SMG6: variants seen among roughly 807,000 people sequenced by gnomAD.
SMG6 encodes the protein telomerase-binding protein EST1A.
Under a neutral mutation model 142.2 loss-of-function variants are expected in SMG6, and 66 were observed. The observed-to-expected ratio is 0.46, with a 90% CI of 0.38 to 0.57. The LOEUF is 0.57. SMG6 is among the 20% of genes least tolerant of loss of function. The probability of loss-of-function intolerance (pLI) is 0.00; values close to 1 mark genes in which losing one functional copy is unlikely to be tolerated. For missense variants in SMG6, 1,793 were observed against 1,832.0 expected (o/e 0.98, Z 0.39); for synonymous variants, 779 against 702.4 (o/e 1.11, Z -1.72).
intron 8 of SMG6, among the ~76,000 whole-genome samples, chr17:2,271,532 G>A (rs2074542993): frequency 6.6e-6 from 1 of 151,776 alleles, no homozygotes; most frequent in African/African-American, 2.4e-5. Context: ...TGGCCAACAC[G>A]GTGAAACCCC....
intron 13 of SMG6, among the ~76,000 whole-genome samples, chr17:2,092,325 G>A (rs1378052044): frequency 6.6e-6 from 1 of 152,108 alleles, no homozygotes; most frequent in Admixed American, 6.5e-5. Flanking sequence ...AGGGTCATTG[G>A]GTCACAAGAT....
At position 2,136,823 on chromosome 17, in the gene SMG6, T is replaced by C. The variant is rs1481586280; in HGVS notation, c.3357+35835A>G. On this transcript the variant is annotated intron_variant, in intron 13 of 18. Coordinates refer to ENST00000263073, the MANE Select transcript of SMG6 (RefSeq NM_017575.5). ...CATAAGTTTAGTATGTTCTTTTTAT[T>C]AAATAAAACACAAGAAAAAACAGGC... Among the ~76,000 whole-genome samples, 3 of 151,764 alleles carry C rather than the reference T, an allele frequency of 2.0e-5. No individual in the cohort carries two copies. The East Asian group carries it at 5.8e-4, about 29-fold the overall frequency.
intron 15 of SMG6, among the ~76,000 whole-genome samples, chr17:2,078,141 C>T (rs1245885491): frequency 6.6e-6 from 1 of 152,060 alleles, no homozygotes; most frequent in African/African-American, 2.4e-5. Flanking sequence ...CCAGGAGGTG[C>T]CACTTACAGA....
intron 13 of SMG6, among the ~76,000 whole-genome samples, chr17:2,140,671 C>CAAAAA (rs10635640): frequency 9.3e-6 from 1 of 107,402 alleles, no homozygotes; most frequent in Non-Finnish European, 2.0e-5. Flanking sequence ...GATTCCATCT[C>CAAAAA]AAAAAAAAAA....
intron 13 of SMG6, among the ~76,000 whole-genome samples, chr17:2,103,999 A>T (rs2069084036): frequency 6.6e-6 from 1 of 150,614 alleles, no homozygotes; most frequent in Non-Finnish European, 1.5e-5. Context: ...TAGCCCAGGC[A>T]GGAGTGTAAT....
intron 12 of SMG6, among the ~76,000 whole-genome samples, chr17:2,185,543 C>T (rs890354456): frequency 4.6e-5 from 6 of 130,936 alleles, no homozygotes; most frequent in South Asian, 2.6e-4. Flanking sequence ...AACTGATCTA[C>T]GTAAATACAC....
At chr17:2,270,888 T>C (rs1197655410) in intron 8 of SMG6, among the ~76,000 whole-genome samples, 1 of 152,246 alleles carries the variant, frequency 6.6e-6, no homozygotes, top group East Asian at 1.9e-4. Flanking sequence ...AATTGGTCTA[T>C]CAGATGCCTA....
intron 10 of SMG6, among the ~76,000 whole-genome samples, chr17:2,192,549 A>C (rs2072196184): frequency 6.6e-6 from 1 of 152,166 alleles, no homozygotes; most frequent in African/African-American, 2.4e-5. Context: ...AGGCAAGACC[A>C]CTTATTCACC....
intron 13 of SMG6, among the ~76,000 whole-genome samples, chr17:2,105,301 T>C (rs1162378032): frequency 6.6e-6 from 1 of 150,470 alleles, no homozygotes; most frequent in Non-Finnish European, 1.5e-5. Context: ...ATCCCAGCAC[T>C]TTGGGAGGCC....
rs1597309014 is a variant in SMG6 at position 2,061,263 on chromosome 17, C to G, written c.*229G>C. The G allele has an allele frequency of 4.2e-6, 2 of 472,276 alleles. No homozygotes were observed. Among genetic ancestry groups the G allele is most frequent in the Non-Finnish European group, 7.7e-6 (2 of 260,676 alleles). The allele number at this position is 472,276 out of a possible 1,614,324, so 29.3% of individuals were successfully genotyped here. A position where few individuals can be genotyped will look rare whatever the true frequency, so the allele number is the denominator to read the frequency against. On this transcript the variant is annotated 3_prime_UTR_variant, in exon 19 of 19. Transcript: ENST00000263073. ...GTTGCTGTAGCCAGCCACCTCCCTG[C>G]TAAATCCTGGCAGCCCAGGAGGGTC... is the stretch of plus-strand genomic sequence containing the variant.
rs1357133743 is a variant in SMG6 at position 2,061,328 on chromosome 17, G to A, written c.*164C>T. The A allele has an allele frequency of 2.9e-6, 2 of 681,956 alleles. No homozygotes were observed. Among genetic ancestry groups the A allele is most frequent in the South Asian group, 1.9e-5 (1 of 52,454 alleles). 42.2% of individuals were successfully genotyped at this position (681,956 alleles called of 1,614,324 possible). A position where few individuals can be genotyped will look rare whatever the true frequency, so the allele number is the denominator to read the frequency against. On this transcript the variant is annotated 3_prime_UTR_variant, in exon 19 of 19. Coordinates refer to ENST00000263073, the MANE Select transcript of SMG6 (RefSeq NM_017575.5). The stretch of plus-strand genomic sequence containing the variant: ...CCGATCCTTGGGAGGGGCTCTGTGA[G>A]GAGCAGGTCCCCCACAGCATGGCCG...
At chr17:2,088,777 GCA>G in intron 13 of SMG6, 3 of 985,352 alleles carry the variant, frequency 3.0e-6, no homozygotes, top group Non-Finnish European at 2.4e-6. Context: ...TTGCCCAGAG[GCA>G]CAGAGAAACC....
At chr17:2,119,748 G>A (rs990307345) in intron 13 of SMG6, among the ~76,000 whole-genome samples, 3 of 152,004 alleles carry the variant, frequency 2.0e-5, no homozygotes, top group Non-Finnish European at 2.9e-5. Flanking sequence ...TGCAAGCTCC[G>A]CCTCCCGGGT....
At chr17:2,179,314 G>A (rs1385384771) in intron 12 of SMG6, among the ~76,000 whole-genome samples, 2 of 152,140 alleles carry the variant, frequency 1.3e-5, no homozygotes, top group African/African-American at 4.8e-5. Flanking sequence ...AAGGGGTGCC[G>A]ATTAGCCTTG....
chr17:2,125,523 C>A (rs1313732066), intron 13 of SMG6, among the ~76,000 whole-genome samples: 1 of 152,162 alleles, frequency 6.6e-6, no homozygotes, highest in Non-Finnish European at 1.5e-5. Flanking sequence ...AATGGAAAAA[C>A]ATTCTATGTT....
chr17:2,149,349 C>CAAAA lies in SMG6; in HGVS notation c.3357+23305_3357+23308dup, dbSNP rs1178295829. ...TGGGTGACAGAGCGAGATTCCCCCT[C>CAAAA]AAAAAAAAAAAAAAAAAAAAAAAAA... On this transcript the variant is annotated intron_variant, in intron 13 of 18. Coordinates refer to ENST00000263073, the MANE Select transcript of SMG6 (RefSeq NM_017575.5). Among the ~76,000 whole-genome samples, 103 of 71,066 alleles carry CAAAA rather than the reference C, an allele frequency of 1.4e-3. 1 individual carries two copies. Among genetic ancestry groups the CAAAA allele is most frequent in the African/African-American group, 4.1e-3 (82 of 20,196 alleles). The allele number at this position is 71,066 out of a possible 152,430, so 46.6% of individuals were successfully genotyped here.
At chr17:2,098,743 GC>G (rs1415525266) in intron 13 of SMG6, among the ~76,000 whole-genome samples, 1 of 152,072 alleles carries the variant, frequency 6.6e-6, no homozygotes, top group African/African-American at 2.4e-5. Context: ...TGATTCTCCT[GC>G]CTCAGCCTCC....
intron 6 of SMG6, among the ~76,000 whole-genome samples, chr17:2,284,127 C>T (rs1005108838): frequency 6.6e-6 from 1 of 152,144 alleles, no homozygotes; most frequent in Non-Finnish European, 1.5e-5. Context: ...GCCAGACAGA[C>T]CTTGGTCCAA....
chr17:2,138,826 G>A lies in SMG6; in HGVS notation c.3357+33832C>T, dbSNP rs181361749. On this transcript the variant is annotated intron_variant, in intron 13 of 18. Transcript: ENST00000263073. ...TGTATGTAGCCTCTTGGGATCTAAA[G>A]CAATTAAGTGAAGATAAATGTATTT... Among the ~76,000 whole-genome samples the A allele has an allele frequency of 1.0e-3, 152 of 152,304 alleles. 1 individual carries two copies. Among genetic ancestry groups the A allele is most frequent in the African/African-American group, 3.6e-3 (149 of 41,568 alleles).
Sources: allele counts gnomAD v4.1 joint callset (sites outside exome capture counted in the v4.1 genomes callset), GRCh38; gene constraint gnomAD v4.1.1; transcripts MANE v1.5; gene names NCBI Gene and HGNC (gene_info 2026-07-23, HGNC 2026-07-21).